PCDHGA4: variants seen among roughly 807,000 people sequenced by gnomAD.
PCDHGA4 encodes protocadherin gamma-A4.
A neutral mutation model predicts 54.6 loss-of-function variants in PCDHGA4; 38 were observed. The observed-to-expected ratio is 0.70, with a 90% CI of 0.54 to 0.91. The LOEUF (loss-of-function observed/expected upper bound fraction) is 0.91, where lower values mean the gene tolerates loss of function less well. Among genes scored for constraint, PCDHGA4 ranks in the 40% least tolerant of loss-of-function variants. The pLI, the probability that PCDHGA4 is intolerant of heterozygous loss-of-function variation, is 0.00. For synonymous variants in PCDHGA4, 511 were observed against 512.9 expected (o/e 1.00, Z 0.05); for missense variants, 1,298 against 1,220.9 (o/e 1.06, Z -0.94).
intron 1 of PCDHGA4, chr5:141,371,144 T>C: frequency 6.2e-7 from 1 of 1,614,014 alleles, no homozygotes; most frequent in Non-Finnish European, 8.5e-7. Flanking sequence ...ACAGGGTCAA[T>C]GTTGCAGAGA....
intron 1 of PCDHGA4, chr5:141,399,718 C>G (rs770212703): frequency 6.2e-7 from 1 of 1,613,308 alleles, no homozygotes; most frequent in Non-Finnish European, 8.5e-7. Context: ...ACTACAGGCC[C>G]GCGACCAGGG....
At position 141,431,277 on chromosome 5, in the gene PCDHGA4, G is replaced by T; in HGVS notation, c.2515-63530G>T. 6.2e-7 allele frequency: 1 copy of T among 1,614,160 alleles called. No homozygotes were observed. The highest frequency in any genetic ancestry group is 1.3e-5 in the African/African-American group (1 of 75,062). On this transcript the variant is annotated intron_variant, in intron 1 of 3. Transcript: ENST00000571252. This position sits in a 1 kb window ranked among gnomAD's most constrained non-coding sequence, Gnocchi z 4.8. ...AACTCTCTGCAGAGCTACGAGCTCAGCCCGAACACTCACTTCTCCCTCATC... is the reference window on the plus strand; with the variant it reads ...AACTCTCTGCAGAGCTACGAGCTCATCCCGAACACTCACTTCTCCCTCATC...
intron 1 of PCDHGA4, among the ~76,000 whole-genome samples, chr5:141,472,131 A>C (rs565506002): frequency 6.6e-6 from 1 of 152,264 alleles, no homozygotes; most frequent in Non-Finnish European, 1.5e-5. Flanking sequence ...AGAGAAGTTA[A>C]AAATAAAAGT....
In PCDHGA4 at chr5:141,433,358, C is replaced by CCTATCTATCTATCTAT. The variant is rs3074541; in HGVS notation, c.2515-61416_2515-61401dup. ...ACAGGTGCAAGCCACCTACTGTCTG[C>CCTATCTATCTATCTAT]CTATCTATCTATCTATCTATCTATC... On this transcript the variant is annotated intron_variant, in intron 1 of 3. Coordinates refer to ENST00000571252, the MANE Select transcript of PCDHGA4 (RefSeq NM_018917.4). 1.1e-3 allele frequency: 566 copies of CCTATCTATCTATCTAT among 504,038 alleles called. 2 individuals carry two copies. The highest frequency in any genetic ancestry group is 1.7e-3 in the East Asian group (49 of 28,778). The allele number at this position is 504,038 out of a possible 1,614,324, so 31.2% of individuals were successfully genotyped here.
At position 141,485,662 on chromosome 5, in the gene PCDHGA4, G is replaced by T. The variant is rs778404230; in HGVS notation, c.2515-9145G>T. ...AAAAGGCTCAGGATGCAGATGTGGG[G>T]AGCAATTCGATTAGCAGCTATAGGC... On this transcript the variant is annotated intron_variant, in intron 1 of 3. Coordinates refer to ENST00000571252, the MANE Select transcript of PCDHGA4 (RefSeq NM_018917.4). This position sits in a 1 kb window ranked among gnomAD's most constrained non-coding sequence, Gnocchi z 5.7. The T allele has an allele frequency of 1.1e-5, 18 of 1,612,748 alleles. No individual in the cohort carries two copies. The South Asian group carries it at 1.9e-4, about 17-fold the overall frequency.
At chr5:141,462,540 TTTC>T (rs2099042260) in intron 1 of PCDHGA4, among the ~76,000 whole-genome samples, 1 of 152,204 alleles carries the variant, frequency 6.6e-6, no homozygotes, top group East Asian at 1.9e-4. Flanking sequence ...TCAGTGATCT[TTTC>T]TTCTTCAGTG....
At chr5:141,372,484 C>T (rs1161994695) in intron 1 of PCDHGA4, 1 of 1,614,060 alleles carries the variant, frequency 6.2e-7, no homozygotes, top group Non-Finnish European at 8.5e-7. Context: ...GTGGCGTTGG[C>T]CTTGATCTCA....
chr5:141,395,538 TTGTTTG>T (rs1338769311), intron 1 of PCDHGA4: 4 of 225,774 alleles, frequency 1.8e-5, no homozygotes, highest in African/African-American at 1.7e-4. Flanking sequence ...AATTTTGCTA[TTGTTTG>T]TGTGTGTGTG....
intron 1 of PCDHGA4, chr5:141,421,333 G>A (rs1458277535): frequency 2.5e-6 from 4 of 1,613,850 alleles, no homozygotes; most frequent in Admixed American, 1.7e-5. Flanking sequence ...CCGATATTCG[G>A]TGCCAGAAGA....
intron 1 of PCDHGA4, chr5:141,402,966 C>G (rs749578447): frequency 6.8e-6 from 11 of 1,605,942 alleles, no homozygotes; most frequent in Non-Finnish European, 8.5e-6. Context: ...GCAGCTCCAA[C>G]CAAATGCCAG....
Position 141,485,785 on chromosome 5 carries a change from G to C in PCDHGA4, c.2515-9022G>C. ...TGGAGAAGCCTTTGGATCGAGAGAAGCAATCGGACTACCGCCTGGTGCTGA... is the reference window on the plus strand; with the variant it reads ...TGGAGAAGCCTTTGGATCGAGAGAACCAATCGGACTACCGCCTGGTGCTGA... On this transcript the variant is annotated intron_variant, in intron 1 of 3. Coordinates refer to ENST00000571252, the MANE Select transcript of PCDHGA4 (RefSeq NM_018917.4). The surrounding 1 kb of genome is among the most constrained non-coding windows in gnomAD (Gnocchi z 5.7). The C allele has an allele frequency of 1.2e-6, 2 of 1,614,214 alleles. No individual in the cohort carries two copies. The highest frequency in any genetic ancestry group is 1.7e-6 in the Non-Finnish European group (2 of 1,180,030).
intron 3 of PCDHGA4, 89 bp from the exon 4 acceptor site, chr5:141,510,858 T>G: frequency 6.2e-7 from 1 of 1,606,182 alleles, no homozygotes; most frequent in Non-Finnish European, 8.5e-7. Context: ...GGGTGCTGTA[T>G]AGGCATTCAT....
At chr5:141,423,240 A>G (rs1260661059) in intron 1 of PCDHGA4, 1 of 1,613,932 alleles carries the variant, frequency 6.2e-7, no homozygotes, top group Middle Eastern at 1.6e-4. Context: ...GCATCCCCGA[A>G]GTCCTGGCGG....
At chr5:141,422,899 G>C (rs759972749) in intron 1 of PCDHGA4, 13 of 1,614,116 alleles carry the variant, frequency 8.1e-6, no homozygotes, top group Middle Eastern at 3.3e-4. Context: ...GGACCAGAAC[G>C]ACAATGCGCC....
intron 1 of PCDHGA4, among the ~76,000 whole-genome samples, chr5:141,373,000 T>C (rs1310950733): frequency 6.6e-6 from 1 of 152,222 alleles, no homozygotes; most frequent in Non-Finnish European, 1.5e-5. Context: ...TGTTCTTTCA[T>C]AGAAAGCCTC....
At chr5:141,440,732 A>C (rs2154559008) in intron 1 of PCDHGA4, 1 of 152,346 alleles carries the variant, frequency 6.6e-6, no homozygotes, top group African/African-American at 2.4e-5. Context: ...GTGTTAGAGA[A>C]GCTGCTTGAC....
Position 141,486,515 on chromosome 5 carries a change from G to A in PCDHGA4, c.2515-8292G>A. ...AACTATTTTCCTCAATATTTCAGAT[G>A]TGAATGATAATCCACCCTCTTTCTT... On this transcript the variant is annotated intron_variant, in intron 1 of 3. Transcript: ENST00000571252. This position sits in a 1 kb window ranked among gnomAD's most constrained non-coding sequence, Gnocchi z 5.0. 1 of 1,614,172 alleles carries A rather than the reference G, an allele frequency of 6.2e-7. No individual in the cohort carries two copies. The highest frequency in any genetic ancestry group is 8.5e-7 in the Non-Finnish European group (1 of 1,180,026).
chr5:141,476,317 G>T lies in PCDHGA4; in HGVS notation c.2515-18490G>T, dbSNP rs759809060. ...GTAGCCTCTCAGCCCGCAGGTTCCG[G>T]GTGGTGTCTGGAGCTAGCCGAAGAT... On this transcript the variant is annotated intron_variant, in intron 1 of 3. Transcript: ENST00000571252. This position sits in a 1 kb window ranked among gnomAD's most constrained non-coding sequence, Gnocchi z 7.6. 1.9e-6 allele frequency: 3 copies of T among 1,614,170 alleles called. No individual in the cohort carries two copies. The highest frequency in any genetic ancestry group is 1.7e-5 in the Admixed American group (1 of 60,024).
At chr5:141,365,896 T>G (rs1764191904) in intron 1 of PCDHGA4, 1 of 1,614,094 alleles carries the variant, frequency 6.2e-7, no homozygotes. Context: ...CCTTCGACTA[T>G]GAGCAGTTGA....
Sources: allele counts gnomAD v4.1 joint callset (sites outside exome capture counted in the v4.1 genomes callset), GRCh38; gene constraint gnomAD v4.1.1; non-coding constraint Gnocchi (gnomAD v3.1); transcripts MANE v1.5; gene names NCBI Gene and HGNC (gene_info 2026-07-23, HGNC 2026-07-21).